Variants in LSG1 observed in about 807,000 individuals in gnomAD.
The protein encoded by LSG1 is large subunit GTPase 1 homolog.
A neutral mutation model predicts 82.6 loss-of-function variants in LSG1; 55 were observed. That is an observed-to-expected ratio of 0.67 (90% confidence interval 0.54 to 0.83). LSG1 has a LOEUF of 0.83. Among genes scored for constraint, LSG1 ranks in the 40% least tolerant of loss-of-function variants. LSG1 has a pLI of 0.00. For missense variants in LSG1, 809 were observed against 807.9 expected, an observed-to-expected ratio of 1.00 and a Z score of -0.02; for synonymous variants, 272 against 282.5, an observed-to-expected ratio of 0.96 and a Z score of 0.37.
Position 194,642,228 on chromosome 3 carries a change from G to C in LSG1, c.1817C>G (p.Thr606Ser), listed in dbSNP as rs1167889960. 1 of 1,612,720 alleles carries C rather than the reference G, an allele frequency of 6.2e-7. No individual in the cohort carries two copies. The highest frequency in any genetic ancestry group is 1.3e-5 in the African/African-American group (1 of 74,760). ...ACCCATCACAGCCTGGACTCCTTTG[G>C]TCAAAGCCCTCACATTCTCCTAGGA... ...FFHQENVRALTKGVQAVMGYK... is the reference protein window; with the variant it reads ...FFHQENVRALSKGVQAVMGYK... The change falls in exon 14 of 14, where the codon ACC becomes AGC. Residue 606 changes from threonine to serine, a missense_variant. Transcript: ENST00000265245.
Position 194,660,589 on chromosome 3 carries a change from G to A in LSG1, c.522-456C>T, listed in dbSNP as rs535723328. Among the ~76,000 whole-genome samples, 5 of 152,216 alleles carry A rather than the reference G, an allele frequency of 3.3e-5. 1 individual carries two copies. In the South Asian group the frequency reaches 1.0e-3, roughly 32 times the overall value. On this transcript the variant is annotated intron_variant, in intron 5 of 13. Transcript: ENST00000265245. ...ATGTTAAGGCCTCAAAAGAAAACTA[G>A]TAAATCACTTGCTGACAGCTGCCAC...
intron 13 of LSG1, among the ~76,000 whole-genome samples, chr3:194,642,491 AGACTT>A (rs1299360270): frequency 6.6e-6 from 1 of 151,606 alleles, no homozygotes; most frequent in African/African-American, 2.4e-5. Flanking sequence ...ATCTACAACT[AGACTT>A]AATACCAGCT....
intron 2 of LSG1, 140 bp from the exon 3 acceptor site, chr3:194,666,712 G>A (rs1719037577): frequency 1.2e-5 from 8 of 655,638 alleles, no homozygotes; most frequent in South Asian, 7.6e-5. Context: ...TCTAGCCTTG[G>A]GTAAATTATT....
Position 194,648,800 on chromosome 3 carries a change from C to A in LSG1, c.1424G>T (p.Cys475Phe). 6.2e-7 allele frequency: 1 copy of A among 1,613,836 alleles called. No homozygotes were observed. Among genetic ancestry groups the A allele is most frequent in the Non-Finnish European group, 8.5e-7 (1 of 1,179,904 alleles). The change falls in exon 11 of 14, where the codon TGC becomes TTC. Residue 475 changes from cysteine to phenylalanine, a missense_variant. Transcript: ENST00000265245. ...RDHVPPVSLV[C>F]QNIPRHVLEA... ...TAAAACATGTCTTGGAATATTCTGGCAAACGTAGCTTGTCAGGGAATCCAT... is the reference window on the plus strand; with the variant it reads ...TAAAACATGTCTTGGAATATTCTGGAAAACGTAGCTTGTCAGGGAATCCAT...
chr3:194,649,995 C>T (rs956295152), intron 10 of LSG1, among the ~76,000 whole-genome samples: 1 of 152,080 alleles, frequency 6.6e-6, no homozygotes, highest in Non-Finnish European at 1.5e-5. Context: ...TCTCAGCTCA[C>T]TGCAACCTCC....
rs1398628444 is a variant in LSG1 at position 194,641,228 on chromosome 3, A to G, written c.*840T>C. ...TCACCAACGTAAAGTGTGTAATTCA[A>G]TGGTCTTAAGCATATTCAGAGTTGT... On this transcript the variant is annotated 3_prime_UTR_variant, in exon 14 of 14. Transcript: ENST00000265245. 2 of 152,246 alleles carry G rather than the reference A, an allele frequency of 1.3e-5. No individual in the cohort carries two copies. The highest frequency in any genetic ancestry group is 2.4e-5 in the African/African-American group (1 of 41,458). 9.4% of individuals were successfully genotyped at this position (152,246 alleles called of 1,614,324 possible).
intron 13 of LSG1, among the ~76,000 whole-genome samples, chr3:194,643,310 T>C (rs926092241): frequency 1.3e-5 from 2 of 152,228 alleles, no homozygotes; most frequent in Non-Finnish European, 2.9e-5. Flanking sequence ...AAAAGACAAC[T>C]GACTAAATGG....
In LSG1 at chr3:194,646,524, ATTTTATTTTTTGTTGAGATG is replaced by A. The variant is rs1206343745; in HGVS notation, c.1544-301_1544-282del. 1.1e-4 allele frequency: 28 copies of A among 243,644 alleles called. No homozygotes were observed. The East Asian group carries it at 2.5e-3, about 22-fold the overall frequency. The allele number at this position is 243,644 out of a possible 1,614,324, so 15.1% of individuals were successfully genotyped here. On this transcript the variant is annotated intron_variant, in intron 11 of 13. Coordinates refer to ENST00000265245, the MANE Select transcript of LSG1 (RefSeq NM_018385.3). ...TATTTCTTCTCTTTATTTTATTTTT[ATTTTATTTTTTGTTGAGATG>A]GAGTCTCGTTCTGTTGCCCAGGCTG...
rs746680343 is a variant in LSG1 at position 194,644,581 on chromosome 3, A to G, written c.1789T>C (p.Phe597Leu). The stretch of plus-strand genomic sequence containing the variant: ...AAAGCTTTAAAACTTACTTGATGGA[A>G]AAAAGTTTTGTCAACGATATTTTCA... ...QIENIVDKTF[F>L]HQENVRALTK... Residue 597 changes from phenylalanine (F) to leucine (L), a missense_variant, in exon 13 of 14, where the codon TTC becomes CTC. Phe to Leu is a conservative substitution (Grantham distance 22). Coordinates refer to ENST00000265245, the MANE Select transcript of LSG1 (RefSeq NM_018385.3). 1.2e-6 allele frequency: 2 copies of G among 1,610,018 alleles called. No homozygotes were observed. Among genetic ancestry groups the G allele is most frequent in the Admixed American group, 3.4e-5 (2 of 59,476 alleles).
chr3:194,651,002 A>C lies in LSG1; in HGVS notation c.1298T>G (p.Leu433Arg). The change falls in exon 10 of 14, where the codon CTC becomes CGC. Residue 433 changes from leucine (L) to arginine (R), a missense_variant. Physicochemically the swap from Leu to Arg is moderately radical, Grantham distance 102. Transcript: ENST00000265245. The part of the protein sequence containing the change: ...HFQTLYVEPG[L>R]CLCDCPGLVM... ...CAAGCCAGGACAGTCACACAGGCAG[A>C]GGCCAGGCTCCACATAGAGAGTCTG... 1 of 1,614,180 alleles carries C rather than the reference A, an allele frequency of 6.2e-7. No individual in the cohort carries two copies. The highest frequency in any genetic ancestry group is 8.5e-7 in the Non-Finnish European group (1 of 1,180,006).
rs763693435 is a variant in LSG1, at chr3:194,667,942, AATATATAT to A, written c.227-1378_227-1371del. Among the ~76,000 whole-genome samples, 307 of 86,930 alleles carry A rather than the reference AATATATAT, an allele frequency of 3.5e-3. 6 individuals carry two copies. The highest frequency in any genetic ancestry group is 0.011 in the South Asian group (27 of 2,362). The allele number at this position is 86,930 out of a possible 152,430, so 57.0% of individuals were successfully genotyped here. Reference sequence around the variant, plus strand: ...CCGTCTCAAAAAAAAAAAAAAAAAAAATATATATATATATATATATATATATAGCTTTA... The same window carrying A: ...CCGTCTCAAAAAAAAAAAAAAAAAAAATATATATATATATATATAGCTTTA... On this transcript the variant is annotated intron_variant, in intron 2 of 13. Coordinates refer to ENST00000265245, the MANE Select transcript of LSG1 (RefSeq NM_018385.3).
In LSG1 at chr3:194,665,490, T is replaced by C. The variant is rs1192444345; in HGVS notation, c.521+67A>G. 3 of 1,196,234 alleles carry C rather than the reference T, an allele frequency of 2.5e-6. No individual in the cohort carries two copies. The African/African-American group carries it at 4.5e-5, about 18-fold the overall frequency. The allele number at this position is 1,196,234 out of a possible 1,614,324, so 74.1% of individuals were successfully genotyped here. ...CATACCCTGAGCCTATAAGCCTATA[T>C]CAACAGCCAAATCGAATATAACTTC... On this transcript the variant is annotated intron_variant, in intron 5 of 13. Coordinates refer to ENST00000265245, the MANE Select transcript of LSG1 (RefSeq NM_018385.3).
chr3:194,642,025 T>C lies in LSG1; in HGVS notation c.*43A>G. 1.9e-6 allele frequency: 3 copies of C among 1,589,472 alleles called. No homozygotes were observed. Among genetic ancestry groups the C allele is most frequent in the African/African-American group, 1.3e-5 (1 of 74,078 alleles). ...AGGCAACAGGCAGCTTCTGCTCTTT[T>C]CCATCTGCACAATGCAGATGACATT... On this transcript the variant is annotated 3_prime_UTR_variant, in exon 14 of 14. Transcript: ENST00000265245.
intron 1 of LSG1, 51 bp from the exon 2 acceptor site, chr3:194,670,186 C>T (rs1310968643): frequency 1.2e-6 from 2 of 1,603,000 alleles, no homozygotes. Context: ...CTGCTCTTGG[C>T]ATCCAATAAG....
intron 10 of LSG1, among the ~76,000 whole-genome samples, chr3:194,649,872 G>A (rs534675133): frequency 6.6e-6 from 1 of 151,748 alleles, no homozygotes; most frequent in African/African-American, 2.4e-5. Flanking sequence ...TAACTTATTA[G>A]CTTATAAGTA....
In LSG1 at chr3:194,645,545, CACACACACACACACACACACACACAG is replaced by C. The variant is rs1718518819; in HGVS notation, c.1623+593_1623+618del. The C allele has an allele frequency of 1.7e-4, 8 of 47,442 alleles. 1 individual carries two copies. Among genetic ancestry groups the C allele is most frequent in the Non-Finnish European group, 2.6e-4 (6 of 23,140 alleles). 2.9% of individuals were successfully genotyped at this position (47,442 alleles called of 1,614,324 possible). ...ACACACACACAGACAGACACACACA[CACACACACACACACACACACACACAG>C]ACAGACACACACACACACACACACA... On this transcript the variant is annotated intron_variant, in intron 12 of 13. Coordinates refer to ENST00000265245, the MANE Select transcript of LSG1 (RefSeq NM_018385.3).
chr3:194,670,634 A>G (rs2108623750), intron 1 of LSG1, among the ~76,000 whole-genome samples: 1 of 152,320 alleles, frequency 6.6e-6, no homozygotes, highest in South Asian at 2.1e-4. Flanking sequence ...ACCACACCCT[A>G]TTACATGCAA....
At chr3:194,669,709 G>A (rs953104532) in intron 2 of LSG1, among the ~76,000 whole-genome samples, 1 of 152,126 alleles carries the variant, frequency 6.6e-6, no homozygotes, top group African/African-American at 2.4e-5. Flanking sequence ...CAAGGAAGGC[G>A]AATCACGAGG....
At chr3:194,648,399 T>C (rs1718598609) in intron 11 of LSG1, among the ~76,000 whole-genome samples, 1 of 152,030 alleles carries the variant, frequency 6.6e-6, no homozygotes, top group Non-Finnish European at 1.5e-5. Context: ...TTTCTTCTTG[T>C]TTGGGAGACG....
Sources: allele counts gnomAD v4.1 joint callset (sites outside exome capture counted in the v4.1 genomes callset), GRCh38; gene constraint gnomAD v4.1.1; transcripts MANE v1.5; gene names NCBI Gene and HGNC (gene_info 2026-07-23, HGNC 2026-07-21).